MTDH: variants seen among roughly 807,000 people sequenced by gnomAD.
MTDH encodes the protein protein LYRIC.
MTDH carries 34 observed loss-of-function variants against 72.7 expected under a neutral mutation model. That is an observed-to-expected ratio of 0.47 (90% confidence interval 0.36 to 0.62). The LOEUF (loss-of-function observed/expected upper bound fraction) is 0.62. Ranked by LOEUF, MTDH falls within the 20% of genes least tolerant of loss-of-function variation. The pLI, the probability that MTDH is intolerant of heterozygous loss-of-function variation, is 0.00. For synonymous variants in MTDH, 266 were observed against 268.9 expected (o/e 0.99, Z 0.10); for missense variants, 677 against 699.4 (o/e 0.97, Z 0.36).
intron 2 of MTDH, among the ~76,000 whole-genome samples, chr8:97,664,808 C>T (rs1189888882): frequency 6.6e-6 from 1 of 150,812 alleles, no homozygotes; most frequent in Non-Finnish European, 1.5e-5. Context: ...GTTGCCCGGG[C>T]TGGAGTGCAA....
At chr8:97,651,350 C>G (rs1236144372) in intron 1 of MTDH, among the ~76,000 whole-genome samples, 1 of 152,174 alleles carries the variant, frequency 6.6e-6, no homozygotes, top group African/African-American at 2.4e-5. Flanking sequence ...TATATCACAG[C>G]CTTCTTATGC....
chr8:97,655,436 C>G (rs938358270), intron 1 of MTDH, among the ~76,000 whole-genome samples: 4 of 152,122 alleles, frequency 2.6e-5, no homozygotes, highest in Non-Finnish European at 5.9e-5. Context: ...TAGAGCAAGC[C>G]TGGACTATTT....
chr8:97,667,554 G>T (rs1400363431), intron 2 of MTDH, among the ~76,000 whole-genome samples: 1 of 152,102 alleles, frequency 6.6e-6, no homozygotes, highest in Non-Finnish European at 1.5e-5. Flanking sequence ...TTGAAAGAAT[G>T]ACTGATAGAC....
intron 2 of MTDH, among the ~76,000 whole-genome samples, chr8:97,668,588 C>G (rs1043051647): frequency 2.0e-5 from 3 of 151,814 alleles, no homozygotes; most frequent in Non-Finnish European, 4.4e-5. Context: ...GAGTCTAGCT[C>G]TTGTCACCCA....
At chr8:97,650,283 ATTTCT>A (rs1346763280) in intron 1 of MTDH, among the ~76,000 whole-genome samples, 1 of 148,680 alleles carries the variant, frequency 6.7e-6, no homozygotes, top group Non-Finnish European at 1.5e-5. Context: ...TTATTTTTAA[ATTTCT>A]TTTCGAAACA....
chr8:97,663,563 A>G (rs1025700221), intron 2 of MTDH, among the ~76,000 whole-genome samples: 11 of 152,062 alleles, frequency 7.2e-5, no homozygotes, highest in African/African-American at 2.7e-4. Context: ...CCTGGATAAC[A>G]TGGTGAAACC....
intron 6 of MTDH, among the ~76,000 whole-genome samples, chr8:97,692,069 C>T (rs573022297): frequency 2.6e-5 from 4 of 152,162 alleles, no homozygotes; most frequent in South Asian, 2.1e-4. Flanking sequence ...TTAGTAGGGA[C>T]GGGGTTTTGC....
At chr8:97,704,589 A>G (rs1426963044) in intron 7 of MTDH, among the ~76,000 whole-genome samples, 1 of 152,062 alleles carries the variant, frequency 6.6e-6, no homozygotes, top group Non-Finnish European at 1.5e-5. Flanking sequence ...AGCCTGGGTG[A>G]CAGAATAAGA....
rs940879298 is a variant in MTDH at position 97,729,520 on chromosome 8, T to A, written c.*4850T>A. 6.6e-6 allele frequency among the ~76,000 whole-genome samples: 1 copy of A among 152,196 alleles called. No homozygotes were observed. Among genetic ancestry groups the A allele is most frequent in the Non-Finnish European group, 1.5e-5 (1 of 68,034 alleles). ...CACCTCTAACAGTGTCTGTCAGAGT[T>A]GACATACATTGTGTATCTCCTGCAC... On this transcript the variant is annotated 3_prime_UTR_variant, in exon 12 of 12. Transcript: ENST00000336273.
intron 6 of MTDH, 70 bp from the exon 7 acceptor site, chr8:97,699,684 A>G: frequency 9.7e-7 from 1 of 1,029,376 alleles, no homozygotes; most frequent in South Asian, 1.4e-5. Flanking sequence ...GTCAAAGTAT[A>G]GAACTATTGT....
chr8:97,671,524 C>A (rs867337918), intron 2 of MTDH, among the ~76,000 whole-genome samples: 60 of 151,970 alleles, frequency 3.9e-4, no homozygotes, highest in African/African-American at 1.4e-3. Flanking sequence ...ATTAATATAT[C>A]TAAACAATTT....
At chr8:97,682,276 A>T (rs1164944790) in intron 2 of MTDH, among the ~76,000 whole-genome samples, 253 of 4,104 alleles carry the variant, frequency 0.062, 38 homozygotes, top group East Asian at 0.42. Flanking sequence ...ATATATATAT[A>T]TATATTTTTT....
At chr8:97,670,687 A>G (rs998808743) in intron 2 of MTDH, among the ~76,000 whole-genome samples, 4 of 152,192 alleles carry the variant, frequency 2.6e-5, no homozygotes, top group Non-Finnish European at 2.9e-5. Flanking sequence ...AAGAGGGTTC[A>G]GTTGGCTCAC....
In MTDH at chr8:97,692,303, A is replaced by G. The variant is rs1813641435; in HGVS notation, c.1048+1115A>G. ...CATTTTCCTTACTTTTTGTAAGTAT[A>G]TTTAATGGCCCTATAATGTTTAAGG... On this transcript the variant is annotated intron_variant, in intron 6 of 11. Coordinates refer to ENST00000336273, the MANE Select transcript of MTDH (RefSeq NM_178812.4). Among the ~76,000 whole-genome samples the G allele has an allele frequency of 2.0e-5, 3 of 152,338 alleles. No homozygotes were observed. In the South Asian group the frequency reaches 6.2e-4, roughly 32 times the overall value.
chr8:97,695,081 A>G (rs1813777622), intron 6 of MTDH, among the ~76,000 whole-genome samples: 1 of 149,716 alleles, frequency 6.7e-6, no homozygotes, highest in Non-Finnish European at 1.5e-5. Flanking sequence ...CTTTTGGGAT[A>G]TTTACAATTT....
chr8:97,661,007 G>T (rs562506533), intron 1 of MTDH, 65 bp from the exon 2 acceptor site: 3 of 1,291,714 alleles, frequency 2.3e-6, no homozygotes, highest in Non-Finnish European at 2.2e-6. Flanking sequence ...GGTTTCCTGC[G>T]TATAAATCTT....
chr8:97,662,033 A>T (rs571971511), intron 2 of MTDH, among the ~76,000 whole-genome samples: 13 of 152,220 alleles, frequency 8.5e-5, no homozygotes, highest in African/African-American at 3.1e-4. Flanking sequence ...AGATTTTATT[A>T]ATTTTCCAGT....
At chr8:97,701,431 T>G in intron 7 of MTDH, among the ~76,000 whole-genome samples, 1 of 152,228 alleles carries the variant, frequency 6.6e-6, no homozygotes, top group East Asian at 1.9e-4. Flanking sequence ...AAAAAAAGTG[T>G]GTACATATTC....
intron 2 of MTDH, among the ~76,000 whole-genome samples, chr8:97,661,679 A>G (rs981022466): frequency 2.0e-5 from 3 of 152,222 alleles, no homozygotes; most frequent in Non-Finnish European, 4.4e-5. Flanking sequence ...GCTATGGCTC[A>G]TGCCTGTAAT....
Sources: gnomAD v4.1 joint callset for allele counts (sites outside exome capture counted in the v4.1 genomes callset) on GRCh38, gnomAD v4.1.1 for gene constraint, MANE v1.5 for transcripts, NCBI Gene and HGNC (gene_info 2026-07-23, HGNC 2026-07-21) for gene names.